PKN2: variants seen among roughly 807,000 people sequenced by gnomAD.
PKN2 encodes serine/threonine-protein kinase N2.
In PKN2, 38 loss-of-function variants were observed where a neutral mutation model predicts 119.1. That is an observed-to-expected ratio of 0.32 (90% CI 0.25 to 0.42). The LOEUF (loss-of-function observed/expected upper bound fraction) is 0.42. PKN2 is among the 10% of genes least tolerant of loss of function. The pLI, the probability that PKN2 is intolerant of heterozygous loss-of-function variation, is 1.00. For missense variants in PKN2, 850 were observed against 1,165.1 expected (o/e 0.73, Z 3.94); for synonymous variants, 390 against 384.9 (o/e 1.01, Z -0.15).
intron 1 of PKN2, among the ~76,000 whole-genome samples, chr1:88,715,435 C>A (rs920495061): frequency 3.9e-5 from 6 of 152,120 alleles, no homozygotes; most frequent in Non-Finnish European, 7.4e-5. Context: ...ATCATTTCCT[C>A]AATTTCAGAG....
chr1:88,741,356 A>G (rs1668573014), intron 2 of PKN2, 68 bp downstream of exon 2: 3 of 1,070,112 alleles, frequency 2.8e-6, no homozygotes, highest in Non-Finnish European at 3.8e-6. Context: ...TTTAGAAAAT[A>G]GTAAGTTTGG....
rs1403553126 is a variant in PKN2, at chr1:88,685,576, G to T, written c.48+948G>T. Among the ~76,000 whole-genome samples the T allele has an allele frequency of 2.6e-5, 4 of 152,244 alleles. No homozygotes were observed. The East Asian group carries it at 7.7e-4, about 29-fold the overall frequency. On this transcript the variant is annotated intron_variant, in intron 1 of 21. Transcript: ENST00000370521. ...TTTAGATCTCTATGGTGTACATGGG[G>T]ACTTAAGCTACCCTGTCGGGTTTTT...
rs562502958 is a variant in PKN2 at position 88,718,813 on chromosome 1, TG to T, written c.49-22174del. The stretch of plus-strand genomic sequence containing the variant: ...TGGATAGCTTTCCCCCTTTAGTTTT[TG>T]TATCATTTCTTCCCTGTTTATTATA... On this transcript the variant is annotated intron_variant, in intron 1 of 21. Coordinates refer to ENST00000370521, the MANE Select transcript of PKN2 (RefSeq NM_006256.4). Among the ~76,000 whole-genome samples, 20 of 152,346 alleles carry T rather than the reference TG, an allele frequency of 1.3e-4. 1 individual carries two copies. The South Asian group carries it at 4.1e-3, about 32-fold the overall frequency.
At chr1:88,773,849 T>C (rs139855404) in intron 6 of PKN2, among the ~76,000 whole-genome samples, 6 of 152,248 alleles carry the variant, frequency 3.9e-5, no homozygotes, top group African/African-American at 1.4e-4. Context: ...TGGTGGTAAC[T>C]ACTGAGAGGT....
intron 6 of PKN2, among the ~76,000 whole-genome samples, chr1:88,776,742 GAA>G (rs370217141): frequency 1.1e-3 from 160 of 141,946 alleles, no homozygotes; most frequent in African/African-American, 4.0e-3. Flanking sequence ...TCTGTCTTAA[GAA>G]AAAAAAAAAA....
chr1:88,799,653 C>A (rs1334636565), intron 8 of PKN2, among the ~76,000 whole-genome samples: 1 of 152,204 alleles, frequency 6.6e-6, no homozygotes, highest in Non-Finnish European at 1.5e-5. Context: ...CTATGGCCAC[C>A]AACTCCTGTC....
chr1:88,709,215 C>T (rs1005137183), intron 1 of PKN2, among the ~76,000 whole-genome samples: 9 of 151,614 alleles, frequency 5.9e-5, no homozygotes, highest in Admixed American at 1.3e-4. Context: ...CATCATACAC[C>T]GCTAATTTTT....
intron 16 of PKN2, among the ~76,000 whole-genome samples, chr1:88,816,293 CT>C (rs1365575309): frequency 2.0e-5 from 3 of 152,098 alleles, no homozygotes; most frequent in Admixed American, 2.0e-4. Context: ...GTCTCCCAGG[CT>C]GGAGTGCAGT....
At chr1:88,747,555 T>C (rs1668819304) in intron 2 of PKN2, among the ~76,000 whole-genome samples, 1 of 152,148 alleles carries the variant, frequency 6.6e-6, no homozygotes, top group Non-Finnish European at 1.5e-5. Flanking sequence ...AAAGATCCGG[T>C]TTCCTGAATC....
rs538735631 is a variant in PKN2, at chr1:88,806,039, A to G, written c.1803+22A>G. ...ACAGGCAAGCCATTTTAAACCTTGC[A>G]TAATTCCTCTTCACTGAATGAATTA... On this transcript the variant is annotated intron_variant, in intron 12 of 21. Coordinates refer to ENST00000370521, the MANE Select transcript of PKN2 (RefSeq NM_006256.4). The G allele has an allele frequency of 8.1e-6, 13 of 1,600,938 alleles. No individual in the cohort carries two copies. The East Asian group carries it at 8.9e-5, about 11-fold the overall frequency.
At chr1:88,773,464 T>A (rs1039659462) in intron 6 of PKN2, among the ~76,000 whole-genome samples, 3 of 152,200 alleles carry the variant, frequency 2.0e-5, no homozygotes, top group African/African-American at 7.2e-5. Context: ...ACCTGGCTAA[T>A]TTCTGTATTT....
At chr1:88,801,622 C>T (rs1347166403) in intron 8 of PKN2, among the ~76,000 whole-genome samples, 3 of 152,132 alleles carry the variant, frequency 2.0e-5, no homozygotes, top group East Asian at 1.9e-4. Flanking sequence ...AAGAAAGTAA[C>T]GCTCACTGGG....
intron 1 of PKN2, among the ~76,000 whole-genome samples, chr1:88,726,989 C>T (rs1448293854): frequency 6.6e-6 from 1 of 151,878 alleles, no homozygotes; most frequent in Non-Finnish European, 1.5e-5. Flanking sequence ...TCTATTCTTC[C>T]TGGTTTTCTA....
At chr1:88,722,076 A>G (rs930516837) in intron 1 of PKN2, among the ~76,000 whole-genome samples, 2 of 152,238 alleles carry the variant, frequency 1.3e-5, no homozygotes, top group African/African-American at 4.8e-5. Context: ...AGTCATTGGT[A>G]GGCTCTAGTA....
chr1:88,738,179 AC>A (rs746503745), intron 1 of PKN2, among the ~76,000 whole-genome samples: 7 of 146,248 alleles, frequency 4.8e-5, no homozygotes, highest in East Asian at 1.9e-4. Flanking sequence ...AAACAAACAA[AC>A]AAAAAAAAAC....
chr1:88,745,616 T>C (rs192707857), intron 2 of PKN2, among the ~76,000 whole-genome samples: 2 of 152,256 alleles, frequency 1.3e-5, no homozygotes, highest in Non-Finnish European at 2.9e-5. Flanking sequence ...AAAAATCTCC[T>C]GTGTTCATGA....
Position 88,786,228 on chromosome 1 carries a change from A to G in PKN2, c.1281+15A>G, listed in dbSNP as rs371014544. ...AACTGGACAGGGTAAGAGGACTAAC[A>G]TTTTACTTGAATTTTAATTATAATT... On this transcript the variant is annotated intron_variant, in intron 8 of 21. Transcript: ENST00000370521. 60 of 1,228,932 alleles carry G rather than the reference A, an allele frequency of 4.9e-5. No homozygotes were observed. In the African/African-American group the frequency reaches 8.0e-4, roughly 16 times the overall value. 76.1% of individuals were successfully genotyped at this position (1,228,932 alleles called of 1,614,324 possible). A position where few individuals can be genotyped will look rare whatever the true frequency, so the allele number is the denominator to read the frequency against.
At chr1:88,782,391 T>C (rs1176638532) in intron 6 of PKN2, among the ~76,000 whole-genome samples, 1 of 152,136 alleles carries the variant, frequency 6.6e-6, no homozygotes, top group Non-Finnish European at 1.5e-5. Flanking sequence ...CTTTTTTTTT[T>C]CTAATACATT....
chr1:88,716,448 A>C (rs1381183281), intron 1 of PKN2, among the ~76,000 whole-genome samples: 3 of 152,136 alleles, frequency 2.0e-5, no homozygotes, highest in Non-Finnish European at 4.4e-5. Context: ...GTAGGTCTCT[A>C]AGGACTTGCT....
Sources: gnomAD v4.1 joint callset for allele counts (sites outside exome capture counted in the v4.1 genomes callset) on GRCh38, gnomAD v4.1.1 for gene constraint, MANE v1.5 for transcripts, NCBI Gene and HGNC (gene_info 2026-07-23, HGNC 2026-07-21) for gene names.